Variants in ERCC1 observed in about 807,000 individuals in gnomAD.
ERCC1 encodes the protein ERCC excision repair 1, endonuclease non-catalytic subunit.
ERCC1 carries 36 observed loss-of-function variants against 37.6 expected under a neutral mutation model. The ratio of observed to expected loss-of-function variants is 0.96; its 90% CI spans 0.73 to 1.26. The LOEUF (loss-of-function observed/expected upper bound fraction) is 1.26, where lower values mean the gene tolerates loss of function less well. Ranked by LOEUF, ERCC1 falls within the 50% of genes most tolerant of loss-of-function variation. The probability of loss-of-function intolerance (pLI) is 0.00; values close to 1 mark genes in which losing one functional copy is unlikely to be tolerated. For synonymous variants in ERCC1, 156 were observed against 162.1 expected (o/e 0.96, Z 0.28); for missense variants, 349 against 376.5 (o/e 0.93, Z 0.60).
intron 9 of ERCC1, among the ~76,000 whole-genome samples, chr19:45,411,293 T>C (rs1973720908): frequency 6.6e-6 from 1 of 152,172 alleles, no homozygotes; most frequent in South Asian, 2.1e-4. Context: ...GATTTCCTTT[T>C]TTTGGGGATA....
chr19:45,441,618 G>A (rs990119289), intron 1 of ERCC1, among the ~76,000 whole-genome samples: 6 of 151,576 alleles, frequency 4.0e-5, no homozygotes, highest in Non-Finnish European at 7.4e-5. Flanking sequence ...CAAGTGATCC[G>A]CCCACCTCGG....
At chr19:45,423,155 G>A (rs1286741642) in intron 2 of ERCC1, 115 bp downstream of exon 2, 1 of 990,042 alleles carries the variant, frequency 1.0e-6, no homozygotes, top group Non-Finnish European at 1.5e-6. Context: ...GTTTCCCCAA[G>A]TCGTCCGTGG....
chr19:45,439,527 T>C (rs1229603226), intron 1 of ERCC1, among the ~76,000 whole-genome samples: 1 of 152,182 alleles, frequency 6.6e-6, no homozygotes, highest in Non-Finnish European at 1.5e-5. Flanking sequence ...AGCGAGATTC[T>C]ATCTCAAAGA....
upstream of ERCC1, among the ~76,000 whole-genome samples, chr19:45,427,795 G>C (rs1361517404): frequency 6.6e-6 from 1 of 152,194 alleles, no homozygotes; most frequent in Non-Finnish European, 1.5e-5. Context: ...TGCACCACAA[G>C]AGGATTGGAA....
chr19:45,419,359 C>A (rs939125055), intron 4 of ERCC1, 162 bp from the exon 5 acceptor site: 2 of 643,116 alleles, frequency 3.1e-6, no homozygotes, highest in African/African-American at 1.8e-5. Context: ...GTCACTCTTC[C>A]AAGAAGATGC....
upstream of ERCC1, chr19:45,424,018 G>A: frequency 9.5e-7 from 1 of 1,050,952 alleles, no homozygotes; most frequent in Admixed American, 5.4e-5. Context: ...CGTGGGAGGA[G>A]AGAGATGTGG....
chr19:45,423,595 G>A (rs546838700), intron 1 of ERCC1, 186 bp downstream of exon 1: 30 of 1,401,344 alleles, frequency 2.1e-5, no homozygotes, highest in Non-Finnish European at 2.7e-5. Context: ...AAGTCCCATC[G>A]CTCCGCCCCT....
chr19:45,425,144 A>C (rs1974653240), upstream of ERCC1, among the ~76,000 whole-genome samples: 1 of 139,262 alleles, frequency 7.2e-6, no homozygotes, highest in Admixed American at 7.6e-5. Context: ...CATGTTGGCC[A>C]GGCTGGTCTC....
chr19:45,441,820 G>A (rs1002999499), intron 1 of ERCC1, among the ~76,000 whole-genome samples: 1 of 151,418 alleles, frequency 6.6e-6, no homozygotes, highest in African/African-American at 2.4e-5. Context: ...TGGGACTACA[G>A]GCCAGGCGCA....
intron 1 of ERCC1, among the ~76,000 whole-genome samples, chr19:45,442,678 T>C (rs896501701): frequency 1.3e-5 from 2 of 152,068 alleles, no homozygotes. Flanking sequence ...AGAGGCAAGG[T>C]TCAGGCCAGG....
rs1261015567 is a variant in ERCC1, at chr19:45,408,185, T to C, written c.*1490A>G. 2 of 1,612,452 alleles carry C rather than the reference T, an allele frequency of 1.2e-6. No individual in the cohort carries two copies. Among genetic ancestry groups the C allele is most frequent in the Non-Finnish European group, 1.7e-6 (2 of 1,178,938 alleles). On this transcript the variant is annotated 3_prime_UTR_variant, in exon 10 of 10. Coordinates refer to ENST00000300853, the MANE Select transcript of ERCC1 (RefSeq NM_001983.4). ...TGGCTCCCAGATCGTCAAGGGCAAA[T>C]TGGCAGGCAAGCGGCACCGCTATCG...
At chr19:45,423,525 C>A (rs1974571642) in intron 1 of ERCC1, 144 bp from the exon 2 acceptor site, 6 of 1,462,022 alleles carry the variant, frequency 4.1e-6, no homozygotes, top group Non-Finnish European at 5.4e-6. Context: ...GCTAGAGGCT[C>A]TGTAACGCCA....
In ERCC1 at chr19:45,408,486, GGAA is replaced by G; in HGVS notation, c.*1186_*1188del. Reference sequence around the variant, plus strand: ...TTGGCCCCCAACCTGCTCACCTCAGGGAAGAAGAAAAAGGAGATGCAGGTGACA... The same window carrying G: ...TTGGCCCCCAACCTGCTCACCTCAGGGAAGAAAAAGGAGATGCAGGTGACA... On this transcript the variant is annotated 3_prime_UTR_variant, in exon 10 of 10. Coordinates refer to ENST00000300853, the MANE Select transcript of ERCC1 (RefSeq NM_001983.4). The G allele has an allele frequency of 6.2e-7, 1 of 1,613,966 alleles. No individual in the cohort carries two copies.
chr19:45,417,390 T>A (rs1357776447), intron 5 of ERCC1, among the ~76,000 whole-genome samples: 3 of 151,960 alleles, frequency 2.0e-5, no homozygotes, highest in Non-Finnish European at 4.4e-5. Context: ...AGGGAGGGCT[T>A]CTTGGAGGAG....
intron 1 of ERCC1, among the ~76,000 whole-genome samples, chr19:45,438,499 C>T (rs896232746): frequency 6.6e-6 from 1 of 150,732 alleles, no homozygotes; most frequent in South Asian, 2.1e-4. Context: ...CTCACTCTGT[C>T]GCCCAGGCTG....
rs770436134 is a variant in ERCC1 at position 45,408,561 on chromosome 19, A to T, written c.*1114T>A. The T allele has an allele frequency of 1.9e-6, 3 of 1,614,008 alleles. No homozygotes were observed. Among genetic ancestry groups the T allele is most frequent in the Non-Finnish European group, 2.5e-6 (3 of 1,180,016 alleles). On this transcript the variant is annotated 3_prime_UTR_variant, in exon 10 of 10. Transcript: ENST00000300853. ...GCAGTGAATGGGCACGGGGCCCTGG[A>T]GGTGGACATGGCTTTGGGGTCGCCA...
rs140948481 is a variant in ERCC1, at chr19:45,448,348, G to C, written c.-7-24967C>G. ...AGACAGCTCACCCCAACATCACACA[G>C]CAGTCAGCTGCGAGGGGCTTGGTGC... On this transcript the variant is annotated intron_variant, in intron 1 of 8. Transcript: ENST00000423698. 8.8e-3 allele frequency among the ~76,000 whole-genome samples: 1,344 copies of C among 152,290 alleles called. 22 individuals are homozygous for C. The highest frequency in any genetic ancestry group is 0.03 in the African/African-American group (1,254 of 41,550).
chr19:45,428,980 C>G (rs1336678447), intron 1 of ERCC1: 1 of 152,208 alleles, frequency 6.6e-6, no homozygotes, highest in Admixed American at 6.5e-5. Context: ...CGGCCCCAAG[C>G]GGAGGCCCCC....
rs376126455 is a variant in ERCC1 at position 45,409,448 on chromosome 19, G to A, written c.*227C>T. The A allele has an allele frequency of 2.7e-5, 44 of 1,612,990 alleles. No individual in the cohort carries two copies. The highest frequency in any genetic ancestry group is 3.7e-5 in the Non-Finnish European group (44 of 1,179,958). ...ACTGAATTCAGAGTCTGGGGAGGAG[G>A]CTCCCACAGGCCGGGACAAGAAGCG... is the stretch of plus-strand genomic sequence containing the variant. On this transcript the variant is annotated 3_prime_UTR_variant, in exon 10 of 10. Coordinates refer to ENST00000300853, the MANE Select transcript of ERCC1 (RefSeq NM_001983.4).
Sources: gnomAD v4.1 joint callset for allele counts (sites outside exome capture counted in the v4.1 genomes callset) on GRCh38, gnomAD v4.1.1 for gene constraint, MANE v1.5 for transcripts, NCBI Gene and HGNC (gene_info 2026-07-23, HGNC 2026-07-21) for gene names.